TGFBR3: variants seen among roughly 807,000 people sequenced by gnomAD.
The protein encoded by TGFBR3 is transforming growth factor beta receptor 3.
Under a neutral mutation model 87.9 loss-of-function variants are expected in TGFBR3, and 46 were observed. The ratio of observed to expected loss-of-function variants is 0.52; its 90% CI spans 0.41 to 0.67. The LOEUF (loss-of-function observed/expected upper bound fraction) is 0.67, where lower values mean the gene tolerates loss of function less well. Among genes scored for constraint, TGFBR3 ranks in the 30% least tolerant of loss-of-function variants. The pLI, the probability that TGFBR3 is intolerant of heterozygous loss-of-function variation, is 0.00. For synonymous variants in TGFBR3, 381 were observed against 391.6 expected, an observed-to-expected ratio of 0.97 and a Z score of 0.32; for missense variants, 866 against 1,041.9, an observed-to-expected ratio of 0.83 and a Z score of 2.32.
chr1:91,837,522 G>A (rs962055239), intron 2 of TGFBR3, among the ~76,000 whole-genome samples: 11 of 152,150 alleles, frequency 7.2e-5, no homozygotes, highest in Admixed American at 2.6e-4. Context: ...TTACATGTGT[G>A]AGCCACCATG....
chr1:91,862,422 A>C lies in TGFBR3; in HGVS notation c.-113-778T>G, dbSNP rs538346680. The stretch of plus-strand genomic sequence containing the variant: ...CTGAAAAAAATAAAGAAACATAAAA[A>C]GGCAAGGTTCTTATTTCAACTGTTT... On this transcript the variant is annotated intron_variant, in intron 1 of 16. Transcript: ENST00000212355. 2.0e-5 allele frequency among the ~76,000 whole-genome samples: 3 copies of C among 152,332 alleles called. No homozygotes were observed. In the East Asian group the frequency reaches 5.8e-4, roughly 29 times the overall value.
intron 2 of TGFBR3, among the ~76,000 whole-genome samples, chr1:91,842,309 A>T (rs1013143237): frequency 3.3e-5 from 5 of 152,112 alleles, no homozygotes; most frequent in Admixed American, 3.3e-4. Context: ...GTGGTTAGAG[A>T]GGGATTACAA....
intron 4 of TGFBR3, among the ~76,000 whole-genome samples, chr1:91,742,791 T>C (rs970130327): frequency 6.6e-6 from 1 of 152,166 alleles, no homozygotes; most frequent in African/African-American, 2.4e-5. Context: ...CTCTCCTGAA[T>C]GCTCCTCCCT....
chr1:91,882,578 A>G (rs2101294986), intron 1 of TGFBR3, among the ~76,000 whole-genome samples: 1 of 152,098 alleles, frequency 6.6e-6, no homozygotes, highest in East Asian at 2.0e-4. Flanking sequence ...CCCCGTCTCT[A>G]CTAAAAATAC....
intron 3 of TGFBR3, among the ~76,000 whole-genome samples, chr1:91,775,750 C>A (rs1027685408): frequency 1.3e-5 from 2 of 152,222 alleles, no homozygotes; most frequent in African/African-American, 4.8e-5. Context: ...GAATTCAAGA[C>A]CAAATCAGAA....
intron 3 of TGFBR3, among the ~76,000 whole-genome samples, chr1:91,761,083 C>T (rs1010517032): frequency 3.3e-5 from 5 of 152,330 alleles, no homozygotes; most frequent in South Asian, 2.1e-4. Flanking sequence ...CTGCATCAAC[C>T]CTTCTTCTGA....
chr1:91,703,228 G>C (rs1671681808), intron 14 of TGFBR3, among the ~76,000 whole-genome samples: 1 of 152,054 alleles, frequency 6.6e-6, no homozygotes, highest in African/African-American at 2.4e-5. Flanking sequence ...TGGTCCTTTA[G>C]AGTATTTTTA....
At chr1:91,880,873 A>G (rs1429535541) in intron 1 of TGFBR3, among the ~76,000 whole-genome samples, 1 of 149,736 alleles carries the variant, frequency 6.7e-6, no homozygotes, top group African/African-American at 2.4e-5. Context: ...TATATATTAT[A>G]CAATATATAG....
chr1:91,777,477 C>T (rs1403506005), intron 3 of TGFBR3, among the ~76,000 whole-genome samples: 2 of 152,068 alleles, frequency 1.3e-5, no homozygotes, highest in African/African-American at 4.8e-5. Context: ...TCTGCCAAAC[C>T]ACATCCCCAT....
chr1:91,889,881 A>G (rs906777454), upstream of TGFBR3, among the ~76,000 whole-genome samples: 2 of 151,304 alleles, frequency 1.3e-5, no homozygotes, highest in African/African-American at 2.4e-5. Flanking sequence ...GGGTTTTGCC[A>G]TAACTCCTGA....
rs201420683 is a variant in TGFBR3, at chr1:91,743,881, C to T, written c.385-8922G>A. The stretch of plus-strand genomic sequence containing the variant: ...CTACAGCTGTTATCCAATGTAGTGT[C>T]CACTGGCCACATGGCACCATCAAGT... On this transcript the variant is annotated intron_variant, in intron 4 of 16. Coordinates refer to ENST00000212355, the MANE Select transcript of TGFBR3 (RefSeq NM_003243.5). Among the ~76,000 whole-genome samples the T allele has an allele frequency of 7.9e-5, 12 of 152,152 alleles. No homozygotes were observed. The East Asian group carries it at 2.1e-3, about 27-fold the overall frequency.
chr1:91,685,952 T>C (rs1339592948), intron 16 of TGFBR3, among the ~76,000 whole-genome samples: 1 of 152,206 alleles, frequency 6.6e-6, no homozygotes, highest in East Asian at 1.9e-4. Flanking sequence ...AATGTGGCTA[T>C]GCATGAACCA....
intron 7 of TGFBR3, among the ~76,000 whole-genome samples, chr1:91,726,142 A>C (rs1301421805): frequency 2.0e-5 from 3 of 152,202 alleles, no homozygotes; most frequent in African/African-American, 7.2e-5. Context: ...TTTCTGATTC[A>C]TATGAGAGAT....
chr1:91,878,281 G>GAA (rs11288871), intron 1 of TGFBR3, among the ~76,000 whole-genome samples: 3 of 123,618 alleles, frequency 2.4e-5, no homozygotes, highest in Non-Finnish European at 3.5e-5. Flanking sequence ...AGAATGAAAA[G>GAA]AAAAAAAAAA....
chr1:91,742,243 A>G (rs1175086282), intron 4 of TGFBR3, among the ~76,000 whole-genome samples: 2 of 152,164 alleles, frequency 1.3e-5, no homozygotes, highest in African/African-American at 4.8e-5. Context: ...ATGGACTGCA[A>G]CTATTTATCA....
In TGFBR3 at chr1:91,734,798, G is replaced by A. The variant is rs771231530; in HGVS notation, c.546C>T (p.Asn182=). The A allele has an allele frequency of 4.0e-5, 64 of 1,614,178 alleles. No homozygotes were observed. Among genetic ancestry groups the A allele is most frequent in the Non-Finnish European group, 4.9e-5 (58 of 1,180,002 alleles). Reference sequence around the variant, plus strand: ...TACCTTCCCCCACTTTAATATAAATGTTTCTTGCTATCTTGAGTTCGGTGA... The same window carrying A: ...TACCTTCCCCCACTTTAATATAAATATTTCTTGCTATCTTGAGTTCGGTGA... ...TSFTELKIAR[N]IYIKVGEDQV... Residue 182 remains asparagine (N), a synonymous_variant, in exon 5 of 17, where the codon AAC becomes AAT. Transcript: ENST00000212355.
At chr1:91,847,817 C>T (rs868413839) in intron 2 of TGFBR3, among the ~76,000 whole-genome samples, 11 of 152,046 alleles carry the variant, frequency 7.2e-5, no homozygotes, top group African/African-American at 2.4e-4. Flanking sequence ...CCACAGGTTC[C>T]GGGACCAATG....
chr1:91,802,407 C>A (rs149081226), intron 2 of TGFBR3, among the ~76,000 whole-genome samples: 1 of 151,320 alleles, frequency 6.6e-6, no homozygotes, highest in Non-Finnish European at 1.5e-5. Context: ...GTCGTCCAGG[C>A]GAGAGGGCAG....
intron 2 of TGFBR3, among the ~76,000 whole-genome samples, chr1:91,805,553 C>T (rs1268969746): frequency 6.6e-6 from 1 of 152,194 alleles, no homozygotes; most frequent in East Asian, 1.9e-4. Flanking sequence ...GTGAGAAACT[C>T]CCCAGGTGGC....
Sources: gnomAD v4.1 joint callset for allele counts (sites outside exome capture counted in the v4.1 genomes callset) on GRCh38, gnomAD v4.1.1 for gene constraint, MANE v1.5 for transcripts, NCBI Gene and HGNC (gene_info 2026-07-23, HGNC 2026-07-21) for gene names.